ATAD5: variants seen among roughly 807,000 people sequenced by gnomAD.
ATAD5 encodes ATPase family AAA domain-containing protein 5.
A neutral mutation model predicts 176.9 loss-of-function variants in ATAD5; 58 were observed. The observed-to-expected ratio is 0.33, with a 90% CI of 0.27 to 0.41. The LOEUF (loss-of-function observed/expected upper bound fraction) is 0.41. ATAD5 is among the 10% of genes least tolerant of loss of function. ATAD5 has a pLI of 1.00. For synonymous variants in ATAD5, 640 were observed against 712.6 expected, an observed-to-expected ratio of 0.90 and a Z score of 1.62; for missense variants, 1,789 against 2,094.1, an observed-to-expected ratio of 0.85 and a Z score of 2.84.
At chr17:30,883,124 A>ATTT (rs869117449) in intron 18 of ATAD5, among the ~76,000 whole-genome samples, 69 of 137,386 alleles carry the variant, frequency 5.0e-4, no homozygotes, top group Middle Eastern at 3.9e-3. Flanking sequence ...TAAACACCAG[A>ATTT]TTTTTTTTTT....
At chr17:30,872,174 C>T (rs1034231594) in intron 14 of ATAD5, among the ~76,000 whole-genome samples, 2 of 151,990 alleles carry the variant, frequency 1.3e-5, no homozygotes, top group African/African-American at 2.4e-5. Flanking sequence ...CTTGGCCTCC[C>T]GTAGTGCTAG....
chr17:30,878,722 T>TTTTTTTTTTG lies in ATAD5; in HGVS notation c.4012+635_4012+636insGTTTTTTTTT, dbSNP rs1908820337. On this transcript the variant is annotated intron_variant, in intron 17 of 22. Coordinates refer to ENST00000321990, the MANE Select transcript of ATAD5 (RefSeq NM_024857.5). The stretch of plus-strand genomic sequence containing the variant: ...ATTAATCAGAAGTTAGGTGGTGTTT[T>TTTTTTTTTTG]TTTTTTTTTTTTTTTTTTTTTTTTT... Among the ~76,000 whole-genome samples, 12 of 77,752 alleles carry TTTTTTTTTTG rather than the reference T, an allele frequency of 1.5e-4. 1 individual carries two copies. Among genetic ancestry groups the TTTTTTTTTTG allele is most frequent in the African/African-American group, 8.1e-4 (11 of 13,548 alleles). 51.0% of individuals were successfully genotyped at this position (77,752 alleles called of 152,430 possible).
intron 10 of ATAD5, chr17:30,862,603 G>A (rs1246280467): frequency 1.3e-5 from 2 of 151,896 alleles, no homozygotes; most frequent in East Asian, 3.9e-4. Flanking sequence ...CACCACGCCC[G>A]GCTAATTCTG....
intron 9 of ATAD5, among the ~76,000 whole-genome samples, chr17:30,860,016 G>A (rs990609735): frequency 0.013 from 1,624 of 124,960 alleles, 47 homozygotes; most frequent in South Asian, 0.035. Context: ...GAGCCACCGC[G>A]CCTGGCCTAT....
intron 3 of ATAD5, among the ~76,000 whole-genome samples, chr17:30,838,406 T>C (rs1345585464): frequency 6.6e-6 from 1 of 152,258 alleles, no homozygotes; most frequent in Non-Finnish European, 1.5e-5. Flanking sequence ...GGCAGTGTGC[T>C]TAGTACTCAC....
At chr17:30,873,461 G>A (rs944643155) in intron 14 of ATAD5, among the ~76,000 whole-genome samples, 1 of 151,798 alleles carries the variant, frequency 6.6e-6, no homozygotes, top group South Asian at 2.1e-4. Flanking sequence ...GAGACTACAG[G>A]TGTGCGCCAC....
intron 19 of ATAD5, among the ~76,000 whole-genome samples, chr17:30,887,619 C>T (rs867543653): frequency 5.9e-5 from 9 of 151,882 alleles, no homozygotes; most frequent in East Asian, 5.8e-4. Flanking sequence ...AACCAGCCTG[C>T]GCAAGAAAGC....
intron 1 of ATAD5, among the ~76,000 whole-genome samples, chr17:30,833,661 C>T (rs544073728): frequency 1.3e-5 from 2 of 152,160 alleles, no homozygotes; most frequent in Non-Finnish European, 2.9e-5. Context: ...AACTGAATGG[C>T]GTTTTTCTAA....
chr17:30,846,845 C>T (rs758190818), intron 6 of ATAD5, among the ~76,000 whole-genome samples: 13 of 151,664 alleles, frequency 8.6e-5, no homozygotes, highest in Admixed American at 1.3e-4. Context: ...CTCAGCTTCC[C>T]GAGTAGCTGG....
chr17:30,885,596 T>G (rs998145740), intron 18 of ATAD5, among the ~76,000 whole-genome samples: 3 of 151,048 alleles, frequency 2.0e-5, no homozygotes, highest in Non-Finnish European at 4.4e-5. Context: ...TTTATCAGAT[T>G]AAGGAAATTT....
rs994533402 is a variant in ATAD5, at chr17:30,870,447, T to A, written c.3607+801T>A. ...TGGCAGTTAGATCTATGGGCCTTAT[T>A]AGATTCAGGTTCTGTTCTGGGTCTG... On this transcript the variant is annotated intron_variant, in intron 14 of 22. Transcript: ENST00000321990. Among the ~76,000 whole-genome samples, 6 of 152,328 alleles carry A rather than the reference T, an allele frequency of 3.9e-5. No homozygotes were observed. In the South Asian group the frequency reaches 1.0e-3, roughly 26 times the overall value.
rs371851453 is a variant in ATAD5 at position 30,855,283 on chromosome 17, G to A, written c.2591G>A (p.Ser864Asn). The change falls in exon 7 of 23, where the codon AGT (serine) becomes AAT (asparagine). Residue 864 changes from serine (S) to asparagine (N), a missense_variant. Ser to Asn is a conservative substitution (Grantham distance 46). This residue lies in a region of ATAD5 where 487 missense variants were observed against 573.6 expected (regional missense o/e 0.85). Transcript: ENST00000321990. The stretch of plus-strand genomic sequence containing the variant: ...GCGCTGGATGTGTACAATGCAGTGA[G>A]TACCAGTTTCCAGAGAGTCGTACAT... ...AAALDVYNAV[S>N]TSFQRVVHVQ... 6 of 1,608,204 alleles carry A rather than the reference G, an allele frequency of 3.7e-6. No homozygotes were observed. The African/African-American group carries it at 8.0e-5, about 22-fold the overall frequency.
chr17:30,868,300 G>A (rs1255217972), intron 11 of ATAD5, 33 bp from the exon 12 acceptor site: 3 of 1,512,086 alleles, frequency 2.0e-6, no homozygotes, highest in Non-Finnish European at 1.8e-6. Context: ...GCTATATTCT[G>A]TGAATTATTT....
chr17:30,871,580 C>G (rs1273232336), intron 14 of ATAD5, among the ~76,000 whole-genome samples: 1 of 151,966 alleles, frequency 6.6e-6, no homozygotes, highest in Admixed American at 6.6e-5. Flanking sequence ...AAACTCCTGA[C>G]CTCAGGTGAT....
chr17:30,862,620 TA>T (rs1401952490), intron 10 of ATAD5: 2 of 152,124 alleles, frequency 1.3e-5, no homozygotes, highest in Admixed American at 6.6e-5. Flanking sequence ...TCTGTATTTT[TA>T]GTAGAGACTG....
intron 7 of ATAD5, among the ~76,000 whole-genome samples, chr17:30,856,118 CTT>C (rs1907278591): frequency 6.6e-6 from 1 of 152,160 alleles, no homozygotes. Flanking sequence ...TGCCATAAAA[CTT>C]AGCATATCTA....
At chr17:30,862,521 A>G (rs534728311) in intron 10 of ATAD5, among the ~76,000 whole-genome samples, 1 of 152,002 alleles carries the variant, frequency 6.6e-6, no homozygotes, top group African/African-American at 2.4e-5. Flanking sequence ...TCATTGTTGC[A>G]ACCTCTGCCT....
chr17:30,868,273 A>G, intron 11 of ATAD5, 60 bp from the exon 12 acceptor site: 1 of 1,358,720 alleles, frequency 7.4e-7, no homozygotes, highest in Non-Finnish European at 9.9e-7. Context: ...TCATTTTAAC[A>G]TAAAGTCTAA....
At chr17:30,850,867 A>AT (rs1906903826) in intron 6 of ATAD5, among the ~76,000 whole-genome samples, 2 of 18,940 alleles carry the variant, frequency 1.1e-4, no homozygotes, top group African/African-American at 1.8e-4. Context: ...ATATATATAT[A>AT]TATTTTTTTT....
Sources: gnomAD v4.1 joint callset for allele counts (sites outside exome capture counted in the v4.1 genomes callset) on GRCh38, gnomAD v4.1.1 for gene constraint, gnomAD v4.1.1 regional missense constraint, MANE v1.5 for transcripts, NCBI Gene and HGNC (gene_info 2026-07-23, HGNC 2026-07-21) for gene names.